The following MGAM2 variants were observed in gnomAD, a reference collection of about 807,000 sequenced individuals.
MGAM2 encodes the protein maltase-glucoamylase 2 (putative).
In MGAM2, 98 loss-of-function variants were observed where a neutral mutation model predicts 96.1. That is an observed-to-expected ratio of 1.02 (90% CI 0.87 to 1.21). The LOEUF (loss-of-function observed/expected upper bound fraction) is 1.21. Among genes scored for constraint, MGAM2 ranks in the 50% most tolerant of loss-of-function variants. The pLI is 0.00. For synonymous variants in MGAM2, 749 were observed against 414.8 expected (o/e 1.81, Z -9.79); for missense variants, 2,055 against 1,182.4 (o/e 1.74, Z -10.82).
rs543806381 is a variant in MGAM2, at chr7:142,170,160, T to C, written c.3113T>C (p.Leu1038Pro). ...CCAGTTGGTGACCCTGAAAACCGTC[T>C]GTATGATGTCAGGATTCAGAACAAT... ...PQPVGDPENR[L>P]YDVRIQNNPF... The change falls in exon 27 of 48, where the codon CTG becomes CCG. Residue 1038 changes from leucine (L) to proline (P), a missense_variant. Transcript: ENST00000477922. 1.1e-4 allele frequency: 80 copies of C among 702,866 alleles called. 1 individual carries two copies. The South Asian group carries it at 1.2e-3, about 10-fold the overall frequency. The allele number at this position is 702,866 out of a possible 1,614,324, so 43.5% of individuals were successfully genotyped here. A position where few individuals can be genotyped will look rare whatever the true frequency, so the allele number is the denominator to read the frequency against.
At chr7:142,189,312 T>C (rs778241813) in intron 36 of MGAM2, 55 bp from the exon 37 acceptor site, 147 of 604,372 alleles carry the variant, frequency 2.4e-4, no homozygotes, top group Non-Finnish European at 4.3e-4. Context: ...GATGGGCATT[T>C]CTAGTGAATG....
intron 45 of MGAM2, among the ~76,000 whole-genome samples, chr7:142,204,278 A>G (rs1797331922): frequency 6.6e-6 from 1 of 151,932 alleles, no homozygotes; most frequent in African/African-American, 2.4e-5. Flanking sequence ...CTAACAGTTT[A>G]TGGATAATAT....
intron 46 of MGAM2, among the ~76,000 whole-genome samples, chr7:142,211,622 C>T (rs759497311): frequency 2.0e-5 from 3 of 152,050 alleles, no homozygotes; most frequent in Non-Finnish European, 2.9e-5. Context: ...TGAAATAAAG[C>T]GTGAAGACAA....
intron 15 of MGAM2, among the ~76,000 whole-genome samples, chr7:142,153,368 T>A (rs779459969): frequency 7.2e-5 from 11 of 152,266 alleles, no homozygotes; most frequent in Non-Finnish European, 1.5e-4. Flanking sequence ...AAATAATATT[T>A]TCTATGTTAG....
intron 37 of MGAM2, among the ~76,000 whole-genome samples, 194 bp from the exon 38 acceptor site, chr7:142,195,960 G>A (rs749562405): frequency 1.7e-4 from 26 of 152,100 alleles, no homozygotes; most frequent in East Asian, 5.8e-4. Context: ...CACATTCTAC[G>A]TGCAGATATA....
chr7:142,111,962 A>G (rs1817185471), intron 1 of MGAM2, among the ~76,000 whole-genome samples, 155 bp downstream of exon 1: 1 of 149,532 alleles, frequency 6.7e-6, no homozygotes. Context: ...ATAAAATATG[A>G]GGAGTGAGGA....
chr7:142,193,355 A>C (rs967435985), intron 37 of MGAM2, among the ~76,000 whole-genome samples: 14 of 152,140 alleles, frequency 9.2e-5, no homozygotes, highest in African/African-American at 3.1e-4. Context: ...ATTTTAAGTT[A>C]TTTCCTCTAC....
At chr7:142,121,204 G>T (rs1350527127) in intron 3 of MGAM2, among the ~76,000 whole-genome samples, 1 of 149,354 alleles carries the variant, frequency 6.7e-6, no homozygotes, top group Non-Finnish European at 1.5e-5. Context: ...TTGAGACAGA[G>T]TCTCACCTTG....
At chr7:142,156,501 A>G (rs954955846) in intron 17 of MGAM2, among the ~76,000 whole-genome samples, 3 of 152,226 alleles carry the variant, frequency 2.0e-5, no homozygotes, top group African/African-American at 7.2e-5. Flanking sequence ...TAAAGTAACT[A>G]TCATCAAATA....
intron 40 of MGAM2, 26 bp from the exon 41 acceptor site, chr7:142,197,374 C>T (rs1257393129): frequency 1.4e-6 from 1 of 699,970 alleles, no homozygotes; most frequent in African/African-American, 1.8e-5. Context: ...AGAGGTGATC[C>T]ATTATATGCT....
Position 142,196,205 on chromosome 7 carries a change from A to C in MGAM2, c.4398A>C (p.Thr1466=). The stretch of plus-strand genomic sequence containing the variant: ...GAGGGGTCATCATCACCCGCTCCAC[A>C]TTTCCCTCTTCTGGACGCTGGGGAG... The part of the protein sequence containing the change: ...GQRGVIITRS[T]FPSSGRWGGH... Residue 1466 remains threonine, a synonymous_variant, in exon 38 of 48, where the codon ACA becomes ACC. Transcript: ENST00000477922. 2 of 1,188,876 alleles carry C rather than the reference A, an allele frequency of 1.7e-6. No homozygotes were observed. The highest frequency in any genetic ancestry group is 2.5e-6 in the Non-Finnish European group (2 of 814,134). The allele number at this position is 1,188,876 out of a possible 1,614,324, so 73.6% of individuals were successfully genotyped here.
Position 142,171,349 on chromosome 7 carries a change from T to A in MGAM2, c.3260T>A (p.Ile1087Asn). The change falls in exon 28 of 48, where the codon ATC becomes AAC. Residue 1087 changes from isoleucine (I) to asparagine (N), a missense_variant. By Grantham distance (149) the Ile-to-Asn change is moderately radical. Transcript: ENST00000477922. Reference protein sequence around the residue: ...SISTRLPSQYIYGFGETEHTT... With the variant: ...SISTRLPSQYNYGFGETEHTT... Reference sequence around the variant, plus strand: ...TCTACGCGTCTGCCGTCCCAGTACATCTATGGCTTTGGGGAAACTGAGCAC... The same window carrying A: ...TCTACGCGTCTGCCGTCCCAGTACAACTATGGCTTTGGGGAAACTGAGCAC... The A allele has an allele frequency of 1.4e-6, 1 of 703,050 alleles. No individual in the cohort carries two copies. Among genetic ancestry groups the A allele is most frequent in the East Asian group, 2.7e-5 (1 of 37,252 alleles). 43.6% of individuals were successfully genotyped at this position (703,050 alleles called of 1,614,324 possible).
At chr7:142,180,673 A>G (rs554843656) in intron 32 of MGAM2, among the ~76,000 whole-genome samples, 9 of 152,314 alleles carry the variant, frequency 5.9e-5, no homozygotes, top group Admixed American at 5.2e-4. Flanking sequence ...AGGAATGCCA[A>G]TGAGTCATAG....
At chr7:142,199,394 T>C (rs1797148466) in intron 44 of MGAM2, among the ~76,000 whole-genome samples, 1 of 152,148 alleles carries the variant, frequency 6.6e-6, no homozygotes, top group African/African-American at 2.4e-5. Flanking sequence ...GAGATCCTGG[T>C]CGATTAAAGA....
In MGAM2 at chr7:142,219,905, C is replaced by A. The variant is rs550828943; in HGVS notation, c.5394C>A (p.Asn1798Lys). ...TTCAATTGACTGACAAGACTATCAA[C>A]CTGGAAAAGTTAACTGAGGTTACTT... ...LTIQLTDKTINLEKLTEVTWI... is the reference protein window; with the variant it reads ...LTIQLTDKTIKLEKLTEVTWI... The change falls in exon 48 of 48, where the codon AAC becomes AAA. Residue 1798 changes from asparagine (N) to lysine (K), a missense_variant. By Grantham distance (94) the Asn-to-Lys change is moderately conservative. Transcript: ENST00000477922. The A allele has an allele frequency of 4.1e-5, 29 of 702,300 alleles. No individual in the cohort carries two copies. The highest frequency in any genetic ancestry group is 3.2e-4 in the Admixed American group (16 of 49,994). The allele number at this position is 702,300 out of a possible 1,614,324, so 43.5% of individuals were successfully genotyped here.
chr7:142,210,078 G>A (rs975529371), intron 46 of MGAM2, among the ~76,000 whole-genome samples: 1 of 152,100 alleles, frequency 6.6e-6, no homozygotes, highest in African/African-American at 2.4e-5. Flanking sequence ...AGCAGGGTGT[G>A]GTGTCACCTC....
Position 142,137,542 on chromosome 7 carries a change from G to A in MGAM2, c.957G>A (p.Leu319=). Reference sequence around the variant, plus strand: ...CAGAACAAGTGGTTCAGGAATACTTGGAGGTATGTCTTTGCATTTAGATAG... The same window carrying A: ...CAGAACAAGTGGTTCAGGAATACTTAGAGGTATGTCTTTGCATTTAGATAG... The part of the protein sequence containing the change: ...NTPEQVVQEY[L]ELVGRPFFPP... Residue 319 remains leucine (L), a synonymous_variant, in exon 9 of 48, where the codon TTG becomes TTA. Transcript: ENST00000477922. The A allele has an allele frequency of 1.4e-6, 1 of 696,878 alleles. No homozygotes were observed. The allele number at this position is 696,878 out of a possible 1,614,324, so 43.2% of individuals were successfully genotyped here.
intron 37 of MGAM2, among the ~76,000 whole-genome samples, chr7:142,191,197 G>C (rs1184648994): frequency 6.6e-6 from 1 of 152,080 alleles, no homozygotes; most frequent in East Asian, 1.9e-4. Flanking sequence ...CTTCTCATGA[G>C]ATATATAGTT....
At chr7:142,129,623 G>A (rs1049642524) in intron 3 of MGAM2, among the ~76,000 whole-genome samples, 9 of 151,646 alleles carry the variant, frequency 5.9e-5, no homozygotes, top group Non-Finnish European at 8.8e-5. Context: ...TCAGGAGTTC[G>A]AGACTAGCCT....
Sources: allele counts gnomAD v4.1 joint callset (sites outside exome capture counted in the v4.1 genomes callset), GRCh38; gene constraint gnomAD v4.1.1; transcripts MANE v1.5; gene names NCBI Gene and HGNC (gene_info 2026-07-23, HGNC 2026-07-21).